Variants in AHDC1 observed in about 807,000 individuals in gnomAD.
AHDC1 encodes the protein AT-hook DNA binding motif containing 1, also known as transcription factor Gibbin.
In AHDC1, 7 loss-of-function variants were observed where a neutral mutation model predicts 87.9. The observed-to-expected ratio is 0.08, with a 90% CI of 0.05 to 0.15. The LOEUF is 0.15. Ranked by LOEUF, AHDC1 falls within the 10% of genes least tolerant of loss-of-function variation. The pLI, the probability that AHDC1 is intolerant of heterozygous loss-of-function variation, is 1.00. For synonymous variants in AHDC1, 1,051 were observed against 1,006.8 expected (o/e 1.04, Z -0.83); for missense variants, 1,841 against 2,253.2 (o/e 0.82, Z 3.70).
chr1:27,539,963 ATC>A (rs143409425), intron 8 of AHDC1, among the ~76,000 whole-genome samples: 7 of 147,634 alleles, frequency 4.7e-5, no homozygotes, highest in Admixed American at 2.0e-4. Flanking sequence ...CACCTCCTCC[ATC>A]TCTCTCTCTC....
At chr1:27,536,967 CT>C (rs2018668148) in intron 8 of AHDC1, among the ~76,000 whole-genome samples, 1 of 152,128 alleles carries the variant, frequency 6.6e-6, no homozygotes, top group Non-Finnish European at 1.5e-5. Context: ...CCCGCGGTGC[CT>C]GCGGCCAGGC....
chr1:27,586,247 C>T (rs1204124562), intron 3 of AHDC1, among the ~76,000 whole-genome samples: 1 of 152,242 alleles, frequency 6.6e-6, no homozygotes, highest in East Asian at 1.9e-4. Context: ...GTCACTACTT[C>T]CAAGGCCCTG....
At position 27,558,469 on chromosome 1, in the gene AHDC1, G is replaced by A. The variant is rs2019925801; in HGVS notation, c.-389C>T. On this transcript the variant is annotated 5_prime_UTR_variant, in exon 5 of 9. Transcript: ENST00000673934. The surrounding 1 kb of genome is among the most constrained non-coding windows in gnomAD (Gnocchi z 5.6). ...GTTCTCTCAGGTCATCAAGGCGCAG[G>A]GAAGAGTCCTCAGGCTAGGAGGTAG... is the stretch of plus-strand genomic sequence containing the variant. 2 of 313,610 alleles carry A rather than the reference G, an allele frequency of 6.4e-6. No homozygotes were observed. Among genetic ancestry groups the A allele is most frequent in the Admixed American group, 5.0e-5 (1 of 19,976 alleles). The allele number at this position is 313,610 out of a possible 1,614,324, so 19.4% of individuals were successfully genotyped here. A position where few individuals can be genotyped will look rare whatever the true frequency, so the allele number is the denominator to read the frequency against.
rs752112717 is a variant in AHDC1 at position 27,549,347 on chromosome 1, T to C, written c.2769A>G (p.Pro923=). 1.9e-6 allele frequency: 3 copies of C among 1,611,826 alleles called. No individual in the cohort carries two copies. Among genetic ancestry groups the C allele is most frequent in the Non-Finnish European group, 2.5e-6 (3 of 1,178,706 alleles). Residue 923 remains proline, a synonymous_variant, in exon 8 of 9, where the codon CCA becomes CCG. Transcript: ENST00000673934. ...TTAGCCCATAGCTTGCTGCTCGTCC[T>C]GGTGGGAAGGTCTGGCGCGCGGACA... ...PVLSARQTFP[P]GRAASYGLTP...
intron 3 of AHDC1, among the ~76,000 whole-genome samples, chr1:27,601,716 A>C (rs545134125): frequency 6.6e-6 from 1 of 152,134 alleles, no homozygotes; most frequent in East Asian, 1.9e-4. Context: ...CTACCCCCCC[A>C]CCCCAGGTTG....
rs1274057614 is a variant in AHDC1 at position 27,534,593 on chromosome 1, G to A, written c.*367C>T. 6.6e-6 allele frequency: 1 copy of A among 151,092 alleles called. No individual in the cohort carries two copies. Among genetic ancestry groups the A allele is most frequent in the Non-Finnish European group, 1.5e-5 (1 of 67,878 alleles). 9.4% of individuals were successfully genotyped at this position (151,092 alleles called of 1,614,324 possible). On this transcript the variant is annotated 3_prime_UTR_variant, in exon 9 of 9. Coordinates refer to ENST00000673934, the MANE Select transcript of AHDC1 (RefSeq NM_001371928.1). ...AATTTCTCAGTGCATACTTGCAGGG[G>A]CTCTGGACACCTCGGGGCCCCGCTC... is the stretch of plus-strand genomic sequence containing the variant.
intron 5 of AHDC1, among the ~76,000 whole-genome samples, chr1:27,555,430 C>T (rs1390853075): frequency 6.6e-6 from 1 of 152,224 alleles, no homozygotes; most frequent in Non-Finnish European, 1.5e-5. Context: ...ACTGTTCCTT[C>T]TCTCTCTGCA....
At chr1:27,585,688 TC>T (rs2089035159) in intron 3 of AHDC1, among the ~76,000 whole-genome samples, 1 of 151,904 alleles carries the variant, frequency 6.6e-6, no homozygotes, top group Non-Finnish European at 1.5e-5. Context: ...CCCCTCCTCC[TC>T]CCCACATCCT....
intron 3 of AHDC1, among the ~76,000 whole-genome samples, chr1:27,594,986 A>C (rs899389540): frequency 2.0e-5 from 3 of 151,604 alleles, no homozygotes; most frequent in African/African-American, 7.3e-5. Flanking sequence ...CGGAGCTGAG[A>C]CTGTCTGGGA....
At chr1:27,588,513 C>T (rs973827741) in intron 3 of AHDC1, among the ~76,000 whole-genome samples, 6 of 152,128 alleles carry the variant, frequency 3.9e-5, no homozygotes, top group Admixed American at 1.3e-4. Context: ...CGGAGATAGA[C>T]GGGGAGAGAC....
At chr1:27,538,581 CA>C (rs1362578614) in intron 8 of AHDC1, among the ~76,000 whole-genome samples, 1 of 151,138 alleles carries the variant, frequency 6.6e-6, no homozygotes, top group Non-Finnish European at 1.5e-5. Context: ...GTGGCACAAT[CA>C]CGGCTCACTG....
chr1:27,594,545 G>A (rs551077759), intron 3 of AHDC1, among the ~76,000 whole-genome samples: 62 of 152,346 alleles, frequency 4.1e-4, no homozygotes, highest in Non-Finnish European at 8.1e-4. Context: ...GGTGCCCAGA[G>A]CACAGGGTCT....
At chr1:27,554,973 G>C (rs1393049830) in intron 5 of AHDC1, among the ~76,000 whole-genome samples, 1 of 152,220 alleles carries the variant, frequency 6.6e-6, no homozygotes, top group Admixed American at 6.5e-5. Context: ...TAACTTGCCT[G>C]AAGTCACATA....
intron 3 of AHDC1, among the ~76,000 whole-genome samples, chr1:27,570,871 A>G (rs1445003181): frequency 4.0e-5 from 6 of 150,248 alleles, no homozygotes; most frequent in Non-Finnish European, 7.4e-5. Flanking sequence ...AGCCCCCTCC[A>G]GGCCCCTGCC....
chr1:27,572,725 C>G (rs1375549364), intron 3 of AHDC1, among the ~76,000 whole-genome samples: 1 of 152,236 alleles, frequency 6.6e-6, no homozygotes, highest in Non-Finnish European at 1.5e-5. Flanking sequence ...TGGAGCCTCT[C>G]TGAGGAGCCT....
chr1:27,600,466 A>AAC (rs987734403), intron 3 of AHDC1, among the ~76,000 whole-genome samples: 1 of 151,862 alleles, frequency 6.6e-6, no homozygotes, highest in Non-Finnish European at 1.5e-5. Flanking sequence ...ACAAACCAAA[A>AAC]AAAAAAAACA....
At chr1:27,574,425 G>A (rs1253750168) in intron 3 of AHDC1, among the ~76,000 whole-genome samples, 1 of 152,144 alleles carries the variant, frequency 6.6e-6, no homozygotes, top group Non-Finnish European at 1.5e-5. Flanking sequence ...TTGAAATGTT[G>A]TGTAACTTTG....
chr1:27,596,343 G>A (rs150384719), intron 3 of AHDC1, among the ~76,000 whole-genome samples: 66 of 152,224 alleles, frequency 4.3e-4, no homozygotes, highest in African/African-American at 1.3e-3. Flanking sequence ...GCAGCACTGC[G>A]TTTGAAGAGA....
At chr1:27,540,631 A>G (rs2018861680) in intron 8 of AHDC1, among the ~76,000 whole-genome samples, 1 of 151,978 alleles carries the variant, frequency 6.6e-6, no homozygotes, top group Non-Finnish European at 1.5e-5. Flanking sequence ...GAAAGATAGG[A>G]ACTGACAGGT....
Sources: gnomAD v4.1 joint callset for allele counts (sites outside exome capture counted in the v4.1 genomes callset) on GRCh38, gnomAD v4.1.1 for gene constraint, Gnocchi (gnomAD v3.1) non-coding constraint, MANE v1.5 for transcripts, NCBI Gene and HGNC (gene_info 2026-07-23, HGNC 2026-07-21) for gene names.